Variants in ELAVL2 observed in about 807,000 individuals in gnomAD.
ELAVL2 encodes ELAV like RNA binding protein 2.
ELAVL2 carries 4 observed loss-of-function variants against 34.6 expected under a neutral mutation model. The ratio of observed to expected loss-of-function variants is 0.12; its 90% CI spans 0.06 to 0.26. The LOEUF (loss-of-function observed/expected upper bound fraction) is 0.26. Ranked by LOEUF, ELAVL2 falls within the 10% of genes least tolerant of loss-of-function variation. The pLI is 1.00. For missense variants in ELAVL2, 432 were observed against 442.8 expected, an observed-to-expected ratio of 0.98 and a Z score of 0.22; for synonymous variants, 193 against 154.8, an observed-to-expected ratio of 1.25 and a Z score of -1.83.
At chr9:23,763,804 T>G (rs1270057449) in intron 1 of ELAVL2, among the ~76,000 whole-genome samples, 5 of 152,260 alleles carry the variant, frequency 3.3e-5, no homozygotes, top group African/African-American at 7.2e-5. Flanking sequence ...GAATAGCTTT[T>G]GAAATATCCA....
At chr9:23,720,928 C>G (rs1439011226) in intron 3 of ELAVL2, among the ~76,000 whole-genome samples, 1 of 152,116 alleles carries the variant, frequency 6.6e-6, no homozygotes, top group Non-Finnish European at 1.5e-5. Flanking sequence ...TAGAAATCTG[C>G]ATTTTTAATC....
intron 3 of ELAVL2, among the ~76,000 whole-genome samples, chr9:23,727,817 T>C (rs2045601483): frequency 6.6e-6 from 1 of 152,026 alleles, no homozygotes; most frequent in South Asian, 2.1e-4. Flanking sequence ...CACCAACTAC[T>C]GCACAAAACC....
intron 1 of ELAVL2, chr9:23,764,926 T>C: frequency 2.3e-6 from 3 of 1,316,684 alleles, no homozygotes; most frequent in Non-Finnish European, 2.1e-6. Flanking sequence ...AAATGAAAGA[T>C]TCAAGTGTTT....
Position 23,690,493 on chromosome 9 carries a change from C to T in ELAVL2, c.*2064G>A, listed in dbSNP as rs1018100188. 2 of 152,284 alleles carry T rather than the reference C, an allele frequency of 1.3e-5. No homozygotes were observed. The highest frequency in any genetic ancestry group is 2.9e-5 in the Non-Finnish European group (2 of 67,938). The allele number at this position is 152,284 out of a possible 1,614,324, so 9.4% of individuals were successfully genotyped here. A position where few individuals can be genotyped will look rare whatever the true frequency, so the allele number is the denominator to read the frequency against. ...AAGGTTAACTCTGGCAATCTAAATG[C>T]ACCTAAGGATATGAGAAAGTGCTAA... On this transcript the variant is annotated 3_prime_UTR_variant, in exon 7 of 7. Coordinates refer to ENST00000397312, the MANE Select transcript of ELAVL2 (RefSeq NM_004432.5).
At chr9:23,700,683 A>G (rs2036875081) in intron 5 of ELAVL2, among the ~76,000 whole-genome samples, 2 of 152,216 alleles carry the variant, frequency 1.3e-5, no homozygotes, top group South Asian at 4.1e-4. Context: ...ATAAAGTTAA[A>G]TATTTACTAT....
At chr9:23,762,601 A>G (rs1189337504) in intron 1 of ELAVL2, among the ~76,000 whole-genome samples, 1 of 152,078 alleles carries the variant, frequency 6.6e-6, no homozygotes, top group Non-Finnish European at 1.5e-5. Context: ...AACCCTAACT[A>G]AAAATCATAC....
chr9:23,750,839 T>C (rs943585699), intron 2 of ELAVL2, among the ~76,000 whole-genome samples: 6 of 152,188 alleles, frequency 3.9e-5, no homozygotes, highest in Non-Finnish European at 8.8e-5. Flanking sequence ...ACAGTACCCT[T>C]GGAGGCAACT....
At chr9:23,730,200 C>G (rs2046203308) in intron 3 of ELAVL2, among the ~76,000 whole-genome samples, 1 of 152,070 alleles carries the variant, frequency 6.6e-6, no homozygotes, top group South Asian at 2.1e-4. Flanking sequence ...CTCTTATTTT[C>G]TAAAGGAAAA....
chr9:23,695,355 C>G (rs963207335), intron 5 of ELAVL2, among the ~76,000 whole-genome samples: 1 of 152,186 alleles, frequency 6.6e-6, no homozygotes, highest in South Asian at 2.1e-4. Context: ...GTTACATCAT[C>G]TATGCCCATT....
At chr9:23,830,302 A>G (rs2065457174), upstream of ELAVL2, 1 of 152,146 alleles carries the variant, frequency 6.6e-6, no homozygotes, top group East Asian at 1.9e-4. Context: ...CTATTTTGCG[A>G]AAGATTCTTT....
intron 2 of ELAVL2, among the ~76,000 whole-genome samples, chr9:23,747,532 C>A (rs1484766809): frequency 6.6e-6 from 1 of 152,130 alleles, no homozygotes; most frequent in Non-Finnish European, 1.5e-5. Flanking sequence ...ACAAAGACTA[C>A]TGAACAACTG....
chr9:23,804,545 A>G (rs1351019554), intron 1 of ELAVL2, among the ~76,000 whole-genome samples: 1 of 152,196 alleles, frequency 6.6e-6, no homozygotes, highest in Non-Finnish European at 1.5e-5. Flanking sequence ...TGAACATTCC[A>G]AGGTTTTGCT....
chr9:23,726,248 A>G (rs1409133794), intron 3 of ELAVL2, among the ~76,000 whole-genome samples: 2 of 152,138 alleles, frequency 1.3e-5, no homozygotes, highest in Admixed American at 1.3e-4. Flanking sequence ...TACTATTTAT[A>G]ATATTCTCAT....
intron 3 of ELAVL2, among the ~76,000 whole-genome samples, chr9:23,716,981 T>C (rs1272261888): frequency 6.6e-6 from 1 of 152,156 alleles, no homozygotes; most frequent in Non-Finnish European, 1.5e-5. Context: ...ATCTAAATGT[T>C]GGTAAGTATT....
rs2033235368 is a variant in ELAVL2 at position 23,691,688 on chromosome 9, C to A, written c.*869G>T. The A allele has an allele frequency of 6.6e-6, 1 of 152,288 alleles. No homozygotes were observed. The highest frequency in any genetic ancestry group is 1.9e-4 in the East Asian group (1 of 5,174). 9.4% of individuals were successfully genotyped at this position (152,288 alleles called of 1,614,324 possible). A position where few individuals can be genotyped will look rare whatever the true frequency, so the allele number is the denominator to read the frequency against. On this transcript the variant is annotated 3_prime_UTR_variant, in exon 7 of 7. Coordinates refer to ENST00000397312, the MANE Select transcript of ELAVL2 (RefSeq NM_004432.5). ...TACAAAAATGAAACCAGCAGTGTTT[C>A]CCCCCATTGATTCTACTCCTTTCAT...
chr9:23,723,366 A>C (rs1270522602), intron 3 of ELAVL2, among the ~76,000 whole-genome samples: 2 of 152,066 alleles, frequency 1.3e-5, no homozygotes. Flanking sequence ...GTGGGAACTG[A>C]ACAATGAGAA....
chr9:23,761,523 TA>T (rs2135998829), intron 2 of ELAVL2, among the ~76,000 whole-genome samples: 1 of 151,954 alleles, frequency 6.6e-6, no homozygotes, highest in South Asian at 2.1e-4. Flanking sequence ...TCACGCTTGG[TA>T]TTATATCAGT....
intron 3 of ELAVL2, among the ~76,000 whole-genome samples, chr9:23,730,300 C>A (rs2046225936): frequency 6.6e-6 from 1 of 152,104 alleles, no homozygotes. Flanking sequence ...AAAGTATGTA[C>A]AAAGTTATTT....
chr9:23,700,824 T>G (rs1587312445), intron 5 of ELAVL2, among the ~76,000 whole-genome samples: 2 of 150,836 alleles, frequency 1.3e-5, no homozygotes, highest in South Asian at 4.2e-4. Context: ...TACTATAAAG[T>G]GAAGTAACAG....
Sources: allele counts gnomAD v4.1 joint callset (sites outside exome capture counted in the v4.1 genomes callset), GRCh38; gene constraint gnomAD v4.1.1; transcripts MANE v1.5; gene names NCBI Gene and HGNC (gene_info 2026-07-23, HGNC 2026-07-21).